The following HSDL2 variants were observed in gnomAD, a reference collection of about 807,000 sequenced individuals.
The protein encoded by HSDL2 is hydroxysteroid dehydrogenase-like protein 2.
A neutral mutation model predicts 46.3 loss-of-function variants in HSDL2; 27 were observed. That is an observed-to-expected ratio of 0.58 (90% confidence interval 0.43 to 0.80). The LOEUF (loss-of-function observed/expected upper bound fraction) is 0.80. Among genes scored for constraint, HSDL2 ranks in the 30% least tolerant of loss-of-function variants. HSDL2 has a pLI of 0.00. For synonymous variants in HSDL2, 153 were observed against 163.6 expected (o/e 0.94, Z 0.50); for missense variants, 451 against 502.7 (o/e 0.90, Z 0.98).
chr9:112,445,121 A>G (rs1453223982), intron 8 of HSDL2, among the ~76,000 whole-genome samples: 1 of 151,984 alleles, frequency 6.6e-6, no homozygotes, highest in Non-Finnish European at 1.5e-5. Flanking sequence ...TCAAACAATC[A>G]TCCTGCCTCG....
At chr9:112,412,344 C>T (rs1369600713) in intron 4 of HSDL2, among the ~76,000 whole-genome samples, 4 of 152,084 alleles carry the variant, frequency 2.6e-5, no homozygotes, top group Non-Finnish European at 5.9e-5. Context: ...AATATCTTGG[C>T]AAGTTTAAGG....
At chr9:112,446,429 G>A (rs1390496344) in intron 8 of HSDL2, among the ~76,000 whole-genome samples, 2 of 152,122 alleles carry the variant, frequency 1.3e-5, no homozygotes, top group African/African-American at 2.4e-5. Flanking sequence ...TTCGAGATGA[G>A]CCTGGGCAAT....
At chr9:112,463,176 T>G (rs1200677791) in intron 10 of HSDL2, among the ~76,000 whole-genome samples, 1 of 152,186 alleles carries the variant, frequency 6.6e-6, no homozygotes, top group Non-Finnish European at 1.5e-5. Flanking sequence ...ATACATGTTA[T>G]CAGTATGGAT....
intron 3 of HSDL2, among the ~76,000 whole-genome samples, chr9:112,407,797 G>A (rs1354486235): frequency 1.3e-5 from 2 of 152,146 alleles, no homozygotes; most frequent in Non-Finnish European, 2.9e-5. Context: ...TAAGTGTACA[G>A]TTCAGTGACA....
intron 6 of HSDL2, among the ~76,000 whole-genome samples, chr9:112,422,418 A>G (rs1832146075): frequency 6.6e-6 from 1 of 152,240 alleles, no homozygotes; most frequent in Admixed American, 6.5e-5. Flanking sequence ...AAGAGATTGA[A>G]ATATAATATG....
In HSDL2 at chr9:112,408,955, C is replaced by T; in HGVS notation, c.329C>T (p.Thr110Ile). 1 of 1,606,366 alleles carries T rather than the reference C, an allele frequency of 6.2e-7. No individual in the cohort carries two copies. Among genetic ancestry groups the T allele is most frequent in the Non-Finnish European group, 8.5e-7 (1 of 1,174,552 alleles). ...NNASAISLTNTLDTPTKRLDL... is the reference protein window; with the variant it reads ...NNASAISLTNILDTPTKRLDL... ...GCCAGTGCCATTAGTTTGACCAATACATTGGACACACCTACCAAGAGATTG... is the reference window on the plus strand; with the variant it reads ...GCCAGTGCCATTAGTTTGACCAATATATTGGACACACCTACCAAGAGATTG... Residue 110 changes from threonine (T) to isoleucine (I), a missense_variant, in exon 4 of 11, where the codon ACA becomes ATA. Coordinates refer to ENST00000398805, the MANE Select transcript of HSDL2 (RefSeq NM_032303.5).
intron 1 of HSDL2, among the ~76,000 whole-genome samples, chr9:112,399,811 TA>T (rs1388744217): frequency 1.3e-5 from 2 of 152,220 alleles, no homozygotes; most frequent in Non-Finnish European, 2.9e-5. Flanking sequence ...CCTTGTTCCC[TA>T]AAAATCACTG....
At chr9:112,391,697 G>C (rs1831347494) in intron 1 of HSDL2, among the ~76,000 whole-genome samples, 2 of 152,060 alleles carry the variant, frequency 1.3e-5, no homozygotes, top group Admixed American at 1.3e-4. Flanking sequence ...CCTGAGGTCA[G>C]GAGTTCAAGA....
intron 1 of HSDL2, among the ~76,000 whole-genome samples, chr9:112,381,594 T>C (rs1277184725): frequency 6.6e-6 from 1 of 152,174 alleles, no homozygotes; most frequent in Non-Finnish European, 1.5e-5. Flanking sequence ...GACCTCGTGA[T>C]CCGTCTGCCT....
chr9:112,447,452 T>A (rs1832780309), intron 8 of HSDL2, among the ~76,000 whole-genome samples: 1 of 152,168 alleles, frequency 6.6e-6, no homozygotes, highest in South Asian at 2.1e-4. Context: ...AGATGATATA[T>A]CTTGACTAAT....
chr9:112,391,047 A>T (rs901573337), intron 1 of HSDL2, among the ~76,000 whole-genome samples: 5 of 151,902 alleles, frequency 3.3e-5, no homozygotes, highest in African/African-American at 1.2e-4. Context: ...ATGGTGGCAC[A>T]TGCCTGTAAT....
intron 9 of HSDL2, 72 bp downstream of exon 9, chr9:112,454,234 C>T (rs980149984): frequency 1.1e-4 from 138 of 1,270,426 alleles, no homozygotes; most frequent in Middle Eastern, 1.9e-4. Flanking sequence ...AGAAAATCAG[C>T]GTCCAACAGT....
At chr9:112,413,504 G>A (rs200313101) in intron 4 of HSDL2, among the ~76,000 whole-genome samples, 172 of 45,592 alleles carry the variant, frequency 3.8e-3, no homozygotes, top group African/African-American at 0.01. Flanking sequence ...AGAAAAAAAA[G>A]AAAAGAAAAG....
At chr9:112,434,557 T>C (rs144904350) in intron 6 of HSDL2, among the ~76,000 whole-genome samples, 1 of 152,334 alleles carries the variant, frequency 6.6e-6, no homozygotes, top group African/African-American at 2.4e-5. Context: ...ATGGATGATA[T>C]ATCATAGTTT....
At chr9:112,466,137 C>G (rs2132716840) in intron 10 of HSDL2, among the ~76,000 whole-genome samples, 1 of 152,308 alleles carries the variant, frequency 6.6e-6, no homozygotes, top group African/African-American at 2.4e-5. Context: ...TTGCATTTCT[C>G]TAATGACAAA....
chr9:112,462,000 G>C (rs917462051), intron 10 of HSDL2, among the ~76,000 whole-genome samples: 1 of 152,186 alleles, frequency 6.6e-6, no homozygotes, highest in Non-Finnish European at 1.5e-5. Flanking sequence ...GTATGGTTTA[G>C]ATCGGGAGCA....
chr9:112,394,671 C>T (rs1831419193), intron 1 of HSDL2, among the ~76,000 whole-genome samples: 1 of 152,126 alleles, frequency 6.6e-6, no homozygotes, highest in Non-Finnish European at 1.5e-5. Flanking sequence ...AAGGGAGAGG[C>T]CGGAGACCAA....
intron 6 of HSDL2, among the ~76,000 whole-genome samples, chr9:112,436,692 G>GTAAA (rs996628150): frequency 4.6e-5 from 7 of 152,042 alleles, no homozygotes; most frequent in East Asian, 1.9e-4. Flanking sequence ...ATGTTGGAAA[G>GTAAA]TAAATAAATA....
chr9:112,397,356 A>G (rs1831479761), intron 1 of HSDL2, among the ~76,000 whole-genome samples: 1 of 152,204 alleles, frequency 6.6e-6, no homozygotes, highest in Admixed American at 6.5e-5. Context: ...TTTTACACTC[A>G]TGGTTCACAT....
Sources: gnomAD v4.1 joint callset for allele counts (sites outside exome capture counted in the v4.1 genomes callset) on GRCh38, gnomAD v4.1.1 for gene constraint, MANE v1.5 for transcripts, NCBI Gene and HGNC (gene_info 2026-07-23, HGNC 2026-07-21) for gene names.